The following USP38 variants were observed in gnomAD, a reference collection of about 807,000 sequenced individuals.
USP38 encodes the protein ubiquitin carboxyl-terminal hydrolase 38.
In USP38, 49 loss-of-function variants were observed where a neutral mutation model predicts 94.3. That is an observed-to-expected ratio of 0.52 (90% confidence interval 0.41 to 0.66). The LOEUF (loss-of-function observed/expected upper bound fraction) is 0.66, where lower values mean the gene tolerates loss of function less well. Among genes scored for constraint, USP38 ranks in the 30% least tolerant of loss-of-function variants. The pLI is 0.00. For missense variants in USP38, 1,128 were observed against 1,229.4 expected (o/e 0.92, Z 1.23); for synonymous variants, 468 against 463.6 (o/e 1.01, Z -0.12).
chr4:143,202,433 T>A (rs1351294164), intron 4 of USP38, among the ~76,000 whole-genome samples: 1 of 152,102 alleles, frequency 6.6e-6, no homozygotes, highest in Non-Finnish European at 1.5e-5. Context: ...TAGTTATAAC[T>A]TTTTTACCAT....
Position 143,220,314 on chromosome 4 carries a change from G to A in USP38, c.2987G>A (p.Arg996Gln), listed in dbSNP as rs144942446. ...TTTTAGGAACAAGAGTTGAATGCTC[G>A]AGCCCGGGCCCTCCAAGCTGCATCT... ...LYLQEQELNA[R>Q]ARALQAASAS... The change falls in exon 10 of 10, where the codon CGA becomes CAA. Residue 996 changes from arginine (R) to glutamine (Q), a missense_variant. Transcript: ENST00000307017. 1.6e-5 allele frequency: 25 copies of A among 1,609,678 alleles called. No homozygotes were observed. The highest frequency in any genetic ancestry group is 6.7e-5 in the East Asian group (3 of 44,640).
At chr4:143,199,540 A>G (rs565435913) in intron 4 of USP38, among the ~76,000 whole-genome samples, 1 of 152,172 alleles carries the variant, frequency 6.6e-6, no homozygotes, top group Non-Finnish European at 1.5e-5. Flanking sequence ...TGCTGCTGTT[A>G]GCTCTTTGAA....
intron 2 of USP38, among the ~76,000 whole-genome samples, chr4:143,189,466 T>A (rs986635222): frequency 2.0e-5 from 3 of 152,076 alleles, no homozygotes; most frequent in Non-Finnish European, 4.4e-5. Context: ...AGGTAACATA[T>A]AAACTGAGCT....
intron 2 of USP38, among the ~76,000 whole-genome samples, chr4:143,192,145 T>A (rs144347502): frequency 0.012 from 1,767 of 152,356 alleles, 30 homozygotes; most frequent in African/African-American, 0.04. Flanking sequence ...CTTACTGTTA[T>A]ATTCTCAGCA....
intron 1 of USP38, among the ~76,000 whole-genome samples, chr4:143,186,985 A>G (rs1052608310): frequency 7.2e-5 from 11 of 152,242 alleles, no homozygotes; most frequent in Non-Finnish European, 1.3e-4. Flanking sequence ...CTTAAGAACC[A>G]GAAGTAAAGG....
intron 6 of USP38, among the ~76,000 whole-genome samples, chr4:143,206,873 G>A (rs554520492): frequency 3.9e-5 from 6 of 151,998 alleles, no homozygotes; most frequent in South Asian, 2.1e-4. Flanking sequence ...TTTATCTGCC[G>A]GTCAGTATTT....
chr4:143,185,236 GT>G lies in USP38; in HGVS notation c.-213del. The G allele has an allele frequency of 1.7e-6, 1 of 580,064 alleles. No homozygotes were observed. Among genetic ancestry groups the G allele is most frequent in the Non-Finnish European group, 3.0e-6 (1 of 338,720 alleles). 35.9% of individuals were successfully genotyped at this position (580,064 alleles called of 1,614,324 possible). On this transcript the variant is annotated 5_prime_UTR_variant, in exon 1 of 10. An upstream open reading frame in the 5' UTR loses its in-frame stop. Coordinates refer to ENST00000307017, the MANE Select transcript of USP38 (RefSeq NM_032557.6). ...CGCCTTAGGCCAGCCGCAGGTGTCG[GT>G]TCTTAGGCTCTCCAGGCTCGCTAGC... is the stretch of plus-strand genomic sequence containing the variant.
At chr4:143,215,127 T>A in intron 9 of USP38, 184 bp downstream of exon 9, 1 of 630,030 alleles carries the variant, frequency 1.6e-6, no homozygotes. Flanking sequence ...ACAATTTAAA[T>A]GAAAAGTGGC....
intron 4 of USP38, among the ~76,000 whole-genome samples, chr4:143,202,191 A>G (rs1419535659): frequency 6.6e-6 from 1 of 152,158 alleles, no homozygotes; most frequent in Non-Finnish European, 1.5e-5. Context: ...ATAGCAATAG[A>G]ATGAACTCAC....
chr4:143,221,581 T>TA lies in USP38; in HGVS notation c.*1129dup, dbSNP rs997118096. Reference sequence around the variant, plus strand: ...ATTTTCGTAGTTTTAGATAAAATGTTAAAATGCCAAACCCTACCTTCCTAC... The same window carrying TA: ...ATTTTCGTAGTTTTAGATAAAATGTTAAAAATGCCAAACCCTACCTTCCTAC... On this transcript the variant is annotated 3_prime_UTR_variant, in exon 10 of 10. Transcript: ENST00000307017. 1 of 152,390 alleles carries TA rather than the reference T, an allele frequency of 6.6e-6. No homozygotes were observed. Among genetic ancestry groups the TA allele is most frequent in the Non-Finnish European group, 1.5e-5 (1 of 67,956 alleles). 9.4% of individuals were successfully genotyped at this position (152,390 alleles called of 1,614,324 possible). A position where few individuals can be genotyped will look rare whatever the true frequency, so the allele number is the denominator to read the frequency against.
At chr4:143,209,444 T>G (rs7670050) in intron 6 of USP38, 120 bp from the exon 7 acceptor site, 16 of 550,480 alleles carry the variant, frequency 2.9e-5, no homozygotes, top group Non-Finnish European at 4.0e-5. Context: ...GAGCTGAGAT[T>G]GTGCCACTGC....
In USP38 at chr4:143,213,906, G is replaced by C; in HGVS notation, c.1930G>C (p.Gly644Arg). ...ATCATCACCCAGTATACAAGATGGT[G>C]GTCTAATGCAAGCCTCTGTACCCGG... ...PASSPSIQDG[G>R]LMQASVPGPS... The change falls in exon 9 of 10, where the codon GGT becomes CGT. Residue 644 changes from glycine to arginine, a missense_variant. By Grantham distance (125) the Gly-to-Arg change is moderately radical (BLOSUM62 -2). Transcript: ENST00000307017. 6.2e-7 allele frequency: 1 copy of C among 1,613,792 alleles called. No individual in the cohort carries two copies. The highest frequency in any genetic ancestry group is 8.5e-7 in the Non-Finnish European group (1 of 1,179,828).
chr4:143,210,595 AAAAG>A (rs1431627907), intron 7 of USP38, among the ~76,000 whole-genome samples: 1 of 152,104 alleles, frequency 6.6e-6, no homozygotes, highest in Non-Finnish European at 1.5e-5. Context: ...TCAAAAAAAA[AAAAG>A]AGTCTTTATG....
At chr4:143,186,984 C>G (rs1369589882) in intron 1 of USP38, among the ~76,000 whole-genome samples, 1 of 152,158 alleles carries the variant, frequency 6.6e-6, no homozygotes, top group Admixed American at 6.5e-5. Context: ...TCTTAAGAAC[C>G]AGAAGTAAAG....
chr4:143,195,814 T>G lies in USP38; in HGVS notation c.917T>G (p.Leu306Trp). 6.2e-7 allele frequency: 1 copy of G among 1,613,346 alleles called. No individual in the cohort carries two copies. The highest frequency in any genetic ancestry group is 8.5e-7 in the Non-Finnish European group (1 of 1,179,666). ...GCAGCTGTCCAGAAGTTTACTATTTTGATAGATGTTACTTTGCTGAAAATA... is the reference window on the plus strand; with the variant it reads ...GCAGCTGTCCAGAAGTTTACTATTTGGATAGATGTTACTTTGCTGAAAATA... The part of the protein sequence containing the change: ...GLAAVQKFTI[L>W]IDVTLLKIEL... Residue 306 changes from leucine to tryptophan, a missense_variant, in exon 3 of 10, where the codon TTG (leucine) becomes TGG (tryptophan). Physicochemically the swap from Leu to Trp is moderately conservative, Grantham distance 61 (BLOSUM62 -2). Transcript: ENST00000307017.
At chr4:143,207,740 A>G (rs951753399) in intron 6 of USP38, among the ~76,000 whole-genome samples, 6 of 151,812 alleles carry the variant, frequency 4.0e-5, no homozygotes, top group African/African-American at 1.5e-4. Flanking sequence ...AAGAATCCCC[A>G]TCTTACCACC....
In USP38 at chr4:143,200,129, A is replaced by T. The variant is rs752998411; in HGVS notation, c.1050+2205A>T. Among the ~76,000 whole-genome samples, 18 of 152,226 alleles carry T rather than the reference A, an allele frequency of 1.2e-4. No homozygotes were observed. The Middle Eastern group carries it at 0.014, about 115-fold the overall frequency. On this transcript the variant is annotated intron_variant, in intron 4 of 9. Transcript: ENST00000307017. Reference sequence around the variant, plus strand: ...ACATTTAAGTCTTATCCTTGATGTAATGAACATCGATACAAAAATCCTCAA... The same window carrying T: ...ACATTTAAGTCTTATCCTTGATGTATTGAACATCGATACAAAAATCCTCAA...
Position 143,214,407 on chromosome 4 carries a change from G to A in USP38, c.2431G>A (p.Val811Ile), listed in dbSNP as rs927677148. 3.1e-6 allele frequency: 5 copies of A among 1,613,782 alleles called. No individual in the cohort carries two copies. The highest frequency in any genetic ancestry group is 3.3e-5 in the Admixed American group (2 of 59,958). ...ATTGTCAGAAAGTTGGTCTGTAGAT[G>A]TTGACTTCACTGATCTTAGTGAGAA... ...SSLSESWSVD[V>I]DFTDLSENLA... The change falls in exon 9 of 10, where the codon GTT becomes ATT. Residue 811 changes from valine to isoleucine, a missense_variant. By Grantham distance (29) the Val-to-Ile change is conservative (BLOSUM62 3). Transcript: ENST00000307017.
chr4:143,195,747 C>T lies in USP38; in HGVS notation c.850C>T (p.Gln284Ter), dbSNP rs1731526646. 2 of 1,609,332 alleles carry T rather than the reference C, an allele frequency of 1.2e-6. No homozygotes were observed. The highest frequency in any genetic ancestry group is 1.3e-5 in the African/African-American group (1 of 74,738). ...TGACTGGCTATCCTGGCCATTGGCT[C>T]AGCATGTGGATACATGGGTAATTGC... is the stretch of plus-strand genomic sequence containing the variant. ...MIDWLSWPLA[Q>*]HVDTWVIALL... Residue 284 changes from glutamine to a stop codon, truncating the protein, a stop_gained, in exon 3 of 10, where the codon CAG becomes TAG. Transcript: ENST00000307017. LOFTEE classifies it high-confidence loss of function.
Sources: gnomAD v4.1 joint callset for allele counts (sites outside exome capture counted in the v4.1 genomes callset) on GRCh38, gnomAD v4.1.1 for gene constraint, MANE v1.5 for transcripts, NCBI Gene and HGNC (gene_info 2026-07-23, HGNC 2026-07-21) for gene names.